The following GLB1 variants were observed in gnomAD, a reference collection of about 807,000 sequenced individuals.
The protein encoded by GLB1 is beta-galactosidase.
In GLB1, 56 loss-of-function variants were observed where a neutral mutation model predicts 74.0. The observed-to-expected ratio is 0.76, with a 90% confidence interval of 0.61 to 0.94. The LOEUF is 0.94. Among genes scored for constraint, GLB1 ranks in the 40% least tolerant of loss-of-function variants. GLB1 has a pLI of 0.00. For synonymous variants in GLB1, 323 were observed against 323.6 expected, an observed-to-expected ratio of 1.00 and a Z score of 0.02; for missense variants, 787 against 845.5, an observed-to-expected ratio of 0.93 and a Z score of 0.86.
intron 1 of GLB1, chr3:33,090,396 G>A (rs112303980): frequency 0.051 from 49,914 of 985,220 alleles, 1,372 homozygotes; most frequent in Middle Eastern, 0.067. Context: ...AACAAAACAC[G>A]AGGGGAAGAA....
chr3:33,022,887 A>G (rs1385979199), intron 11 of GLB1, among the ~76,000 whole-genome samples: 1 of 152,082 alleles, frequency 6.6e-6, no homozygotes, highest in Non-Finnish European at 1.5e-5. Flanking sequence ...AACACTTCCC[A>G]TGGTTACCTT....
the GLB1 span, among the ~76,000 whole-genome samples, chr3:32,975,025 T>C: frequency 6.6e-6 from 1 of 152,008 alleles, no homozygotes; most frequent in African/African-American, 2.4e-5. Flanking sequence ...CTCATGGAGG[T>C]TTTGGAGCAT....
At chr3:33,071,296 G>A (rs185679629) in intron 2 of GLB1, among the ~76,000 whole-genome samples, 8 of 152,228 alleles carry the variant, frequency 5.3e-5, no homozygotes, top group East Asian at 1.9e-4. Flanking sequence ...AATAATGAGC[G>A]CATTCTCCCT....
Position 33,093,596 on chromosome 3 carries a change from C to G in GLB1, c.75+3415G>C. Reference sequence around the variant, plus strand: ...TCTTGAGGTTGTTCATTGAGGCAGGCAGCTGATGGATGGGCACCTCCACAG... The same window carrying G: ...TCTTGAGGTTGTTCATTGAGGCAGGGAGCTGATGGATGGGCACCTCCACAG... On this transcript the variant is annotated intron_variant, in intron 1 of 15. Transcript: ENST00000307363. This position sits in a 1 kb window ranked among gnomAD's most constrained non-coding sequence, Gnocchi z 6.0. 1 of 1,614,150 alleles carries G rather than the reference C, an allele frequency of 6.2e-7. No individual in the cohort carries two copies. Among genetic ancestry groups the G allele is most frequent in the Non-Finnish European group, 8.5e-7 (1 of 1,180,000 alleles).
the GLB1 span, among the ~76,000 whole-genome samples, chr3:32,982,425 GT>G: frequency 6.7e-6 from 1 of 149,426 alleles, no homozygotes; most frequent in African/African-American, 2.5e-5. Context: ...AATTTTCAAA[GT>G]TTAAAATTAA....
intron 6 of GLB1, 33 bp from the exon 7 acceptor site, chr3:33,053,582 T>C (rs1292185883): frequency 5.0e-6 from 8 of 1,613,872 alleles, no homozygotes; most frequent in Non-Finnish European, 6.8e-6. Context: ...GGTAGGTCAG[T>C]CGTGGAAATG....
At chr3:33,074,773 A>G (rs896777594) in intron 1 of GLB1, among the ~76,000 whole-genome samples, 1 of 152,208 alleles carries the variant, frequency 6.6e-6, no homozygotes, top group Non-Finnish European at 1.5e-5. Context: ...AAAGGTCACA[A>G]TACTAGCTCT....
intron 14 of GLB1, among the ~76,000 whole-genome samples, chr3:33,016,368 T>G (rs1300130145): frequency 6.6e-6 from 1 of 152,204 alleles, no homozygotes; most frequent in Non-Finnish European, 1.5e-5. Flanking sequence ...AACTACTTCT[T>G]TTTTTTGAGA....
At position 33,024,337 on chromosome 3, in the gene GLB1, A is replaced by G; in HGVS notation, c.1069-12T>C. On this transcript the variant is annotated splice_polypyrimidine_tract_variant and intron_variant, in intron 10 of 15. Transcript: ENST00000307363. ...GGTACTTTTTCAAACTATAAACCAG[A>G]GTAGAAAAAGAGAGAAAAGAAAAAA... The G allele has an allele frequency of 1.2e-6, 2 of 1,609,232 alleles. No homozygotes were observed. The highest frequency in any genetic ancestry group is 1.7e-6 in the Non-Finnish European group (2 of 1,178,748).
intron 15 of GLB1, among the ~76,000 whole-genome samples, chr3:33,005,596 A>G (rs1396896859): frequency 6.6e-6 from 1 of 152,124 alleles, no homozygotes; most frequent in African/African-American, 2.4e-5. Flanking sequence ...TGCTGGGCTC[A>G]AGCAATCCTC....
intron 1 of GLB1, among the ~76,000 whole-genome samples, chr3:33,085,338 C>A (rs1244536101): frequency 1.4e-5 from 2 of 146,268 alleles, no homozygotes; most frequent in African/African-American, 5.1e-5. Context: ...AAATTAAGAA[C>A]CCCATAATCA....
Position 33,015,541 on chromosome 3 carries a change from G to A in GLB1, c.1479+1168C>T, listed in dbSNP as rs866295877. Among the ~76,000 whole-genome samples, 4 of 152,192 alleles carry A rather than the reference G, an allele frequency of 2.6e-5. No homozygotes were observed. In the South Asian group the frequency reaches 6.2e-4, roughly 24 times the overall value. ...AGTGGAATCCCAGATACCAAGTCTC[G>A]ATTGCCCATTTAATAATTTGATAAA... On this transcript the variant is annotated intron_variant, in intron 14 of 15. Transcript: ENST00000307363.
chr3:32,990,978 T>A, the GLB1 span, among the ~76,000 whole-genome samples: 2 of 151,608 alleles, frequency 1.3e-5, no homozygotes, highest in African/African-American at 2.4e-5. Context: ...TGTCTAAAAA[T>A]AATAATAATA....
At chr3:32,965,244 C>G in the GLB1 span, among the ~76,000 whole-genome samples, 1 of 152,100 alleles carries the variant, frequency 6.6e-6, no homozygotes, top group Non-Finnish European at 1.5e-5. Flanking sequence ...CAGAAGAAGA[C>G]AGGAAGATGT....
chr3:32,975,290 G>A, the GLB1 span, among the ~76,000 whole-genome samples: 1 of 152,090 alleles, frequency 6.6e-6, no homozygotes, highest in African/African-American at 2.4e-5. Flanking sequence ...TCACTATGTT[G>A]CCCAGGCTGG....
the GLB1 span, among the ~76,000 whole-genome samples, chr3:32,983,665 A>AAAT: frequency 0.1 from 15,398 of 151,584 alleles, 942 homozygotes; most frequent in African/African-American, 0.18. Flanking sequence ...TTGACCTTGA[A>AAAT]AATAATAATA....
chr3:33,056,888 C>G (rs1699245548), intron 6 of GLB1, among the ~76,000 whole-genome samples: 1 of 152,178 alleles, frequency 6.6e-6, no homozygotes, highest in Non-Finnish European at 1.5e-5. Context: ...AATCTACAGA[C>G]TTTATTCAAA....
the GLB1 span, among the ~76,000 whole-genome samples, chr3:32,985,538 C>T: frequency 2.0e-5 from 3 of 151,892 alleles, no homozygotes; most frequent in South Asian, 4.2e-4. Flanking sequence ...GTGATCTGCC[C>T]GCTTTGGCCT....
At chr3:33,014,961 C>T (rs1178232824) in intron 14 of GLB1, among the ~76,000 whole-genome samples, 1 of 152,050 alleles carries the variant, frequency 6.6e-6, no homozygotes, top group Non-Finnish European at 1.5e-5. Context: ...AGCGACACTC[C>T]ATCTCAAAAC....
Sources: gnomAD v4.1 joint callset for allele counts (sites outside exome capture counted in the v4.1 genomes callset) on GRCh38, gnomAD v4.1.1 for gene constraint, Gnocchi (gnomAD v3.1) non-coding constraint, MANE v1.5 for transcripts, NCBI Gene and HGNC (gene_info 2026-07-23, HGNC 2026-07-21) for gene names.